The following TANC1 variants were observed in gnomAD, a reference collection of about 807,000 sequenced individuals.
TANC1 encodes the protein protein TANC1.
In TANC1, 77 loss-of-function variants were observed where a neutral mutation model predicts 149.7. That is an observed-to-expected ratio of 0.51 (90% CI 0.43 to 0.62). The LOEUF (loss-of-function observed/expected upper bound fraction) is 0.62, where lower values mean the gene tolerates loss of function less well. TANC1 is among the 20% of genes least tolerant of loss of function. TANC1 has a pLI of 0.00. For synonymous variants in TANC1, 854 were observed against 925.0 expected (o/e 0.92, Z 1.39); for missense variants, 1,985 against 2,321.8 (o/e 0.85, Z 2.98).
In TANC1 at chr2:158,994,643, C is replaced by T. The variant is rs188734689; in HGVS notation, c.-125-6437C>T. On this transcript the variant is annotated intron_variant, in intron 1 of 26. Coordinates refer to ENST00000263635, the MANE Select transcript of TANC1 (RefSeq NM_033394.3). ...ATGAAAAGAATCAAATCTAGATGTT[C>T]GTGTCTCAATTTGAGATCTTCATGT... Among the ~76,000 whole-genome samples, 665 of 152,202 alleles carry T rather than the reference C, an allele frequency of 4.4e-3. 1 individual carries two copies. Among genetic ancestry groups the T allele is most frequent in the Non-Finnish European group, 8.1e-3 (550 of 68,016 alleles).
chr2:159,211,892 A>T lies in TANC1; in HGVS notation c.3245-5605A>T, dbSNP rs145904537. Among the ~76,000 whole-genome samples, 142 of 152,366 alleles carry T rather than the reference A, an allele frequency of 9.3e-4. 2 individuals are homozygous for T. In the South Asian group the frequency reaches 9.3e-3, roughly 10 times the overall value. ...GCCTCAAGAGGGAGTCACCAAATAC[A>T]TAGCAAGGGTTGTGAAGGAAAAGGA... On this transcript the variant is annotated intron_variant, in intron 19 of 26. Transcript: ENST00000263635.
intron 2 of TANC1, among the ~76,000 whole-genome samples, chr2:159,005,174 A>G (rs1434940721): frequency 6.6e-6 from 1 of 152,186 alleles, no homozygotes; most frequent in Non-Finnish European, 1.5e-5. Flanking sequence ...CATGGGTGTC[A>G]TGGCCATCAC....
chr2:159,203,535 A>G (rs1295432700), intron 19 of TANC1, among the ~76,000 whole-genome samples: 3 of 151,044 alleles, frequency 2.0e-5, no homozygotes, highest in African/African-American at 7.3e-5. Context: ...GGCTTATTTG[A>G]TAGGAGGCTG....
rs2034526712 is a variant in TANC1, at chr2:158,982,796, A to AT, written c.-126+14021dup. Among the ~76,000 whole-genome samples, 3 of 151,248 alleles carry AT rather than the reference A, an allele frequency of 2.0e-5. No individual in the cohort carries two copies. The South Asian group carries it at 6.3e-4, about 32-fold the overall frequency. On this transcript the variant is annotated intron_variant, in intron 1 of 26. Coordinates refer to ENST00000263635, the MANE Select transcript of TANC1 (RefSeq NM_033394.3). ...CTAATTTTTTTATTTTTTTATTTTT[A>AT]TTTTTTTCTGTAGAGATAGGATCTG...
At chr2:158,983,853 C>T (rs970859627) in intron 1 of TANC1, among the ~76,000 whole-genome samples, 19 of 152,152 alleles carry the variant, frequency 1.2e-4, no homozygotes, top group African/African-American at 4.1e-4. Flanking sequence ...TAAAGATGCA[C>T]GCGAAGGTGG....
At chr2:159,082,171 T>C (rs2044338780) in intron 3 of TANC1, among the ~76,000 whole-genome samples, 1 of 152,160 alleles carries the variant, frequency 6.6e-6, no homozygotes, top group African/African-American at 2.4e-5. Flanking sequence ...TGTTTTCTGG[T>C]CGTGTGATCC....
intron 3 of TANC1, among the ~76,000 whole-genome samples, chr2:159,079,348 T>G (rs1266509235): frequency 1.2e-5 from 1 of 86,540 alleles, no homozygotes; most frequent in Non-Finnish European, 3.7e-5. Flanking sequence ...GTGTGTGTCT[T>G]TTTTTTTTTT....
chr2:159,075,597 G>A (rs2043591131), intron 3 of TANC1, among the ~76,000 whole-genome samples: 1 of 151,720 alleles, frequency 6.6e-6, no homozygotes, highest in Non-Finnish European at 1.5e-5. Context: ...AAAGAAAATA[G>A]AAAACACTCA....
intron 19 of TANC1, among the ~76,000 whole-genome samples, chr2:159,208,092 A>G (rs112571906): frequency 3.1e-3 from 465 of 152,338 alleles, no homozygotes; most frequent in African/African-American, 0.011. Context: ...CATGGGCATC[A>G]TCATGACACC....
At chr2:159,105,043 G>T (rs2047037595) in intron 4 of TANC1, among the ~76,000 whole-genome samples, 1 of 103,240 alleles carries the variant, frequency 9.7e-6, no homozygotes, top group African/African-American at 3.7e-5. Context: ...TGCCCAGGCT[G>T]GAGTGCAGTG....
At chr2:159,043,660 A>G (rs1437505860) in intron 2 of TANC1, among the ~76,000 whole-genome samples, 1 of 152,122 alleles carries the variant, frequency 6.6e-6, no homozygotes, top group East Asian at 1.9e-4. Context: ...GTACTTTTCC[A>G]TTGAAAACAT....
chr2:159,150,289 T>C (rs555209489), intron 6 of TANC1, 81 bp from the exon 7 acceptor site: 47 of 1,179,122 alleles, frequency 4.0e-5, no homozygotes, highest in Admixed American at 1.9e-4. Flanking sequence ...CTTAGTTTTA[T>C]TGTTTTAGCA....
intron 1 of TANC1, among the ~76,000 whole-genome samples, chr2:158,973,963 G>A (rs1219717431): frequency 6.6e-6 from 1 of 152,174 alleles, no homozygotes; most frequent in Non-Finnish European, 1.5e-5. Flanking sequence ...GCCATGCTTT[G>A]TTCTAAATTA....
chr2:159,166,517 G>A (rs1478914847), intron 8 of TANC1, among the ~76,000 whole-genome samples: 1 of 152,158 alleles, frequency 6.6e-6, no homozygotes, highest in Non-Finnish European at 1.5e-5. Flanking sequence ...TAATTTCGCT[G>A]TAGAGATTCT....
chr2:159,158,486 T>A (rs2053667261), intron 7 of TANC1, among the ~76,000 whole-genome samples: 1 of 152,220 alleles, frequency 6.6e-6, no homozygotes, highest in Non-Finnish European at 1.5e-5. Flanking sequence ...GAACTTAGAA[T>A]GAAGCCTGGC....
At chr2:159,206,309 A>G (rs781772381) in intron 19 of TANC1, among the ~76,000 whole-genome samples, 2 of 152,088 alleles carry the variant, frequency 1.3e-5, no homozygotes, top group Non-Finnish European at 2.9e-5. Context: ...CAGATAGGGG[A>G]TCAGAACTGA....
intron 7 of TANC1, among the ~76,000 whole-genome samples, chr2:159,154,227 T>G (rs2053178561): frequency 6.6e-6 from 1 of 152,104 alleles, no homozygotes; most frequent in African/African-American, 2.4e-5. Flanking sequence ...TTCAGAGCAG[T>G]TTGGGGAAAT....
chr2:159,158,840 G>A lies in TANC1; in HGVS notation c.683-4443G>A, dbSNP rs547159784. On this transcript the variant is annotated intron_variant, in intron 7 of 26. Coordinates refer to ENST00000263635, the MANE Select transcript of TANC1 (RefSeq NM_033394.3). ...TGCCCAAAATGGTACCGGGTCTGGA[G>A]ACGCATACCTCCTTGTGGACCCCCT... Among the ~76,000 whole-genome samples, 3 of 152,346 alleles carry A rather than the reference G, an allele frequency of 2.0e-5. No individual in the cohort carries two copies. The East Asian group carries it at 5.8e-4, about 29-fold the overall frequency.
chr2:159,154,615 C>T (rs1488815811), intron 7 of TANC1, among the ~76,000 whole-genome samples: 1 of 152,138 alleles, frequency 6.6e-6, no homozygotes, highest in African/African-American at 2.4e-5. Context: ...GCTTTATCCT[C>T]TTTCAGGAGG....
Sources: gnomAD v4.1 joint callset for allele counts (sites outside exome capture counted in the v4.1 genomes callset) on GRCh38, gnomAD v4.1.1 for gene constraint, MANE v1.5 for transcripts, NCBI Gene and HGNC (gene_info 2026-07-23, HGNC 2026-07-21) for gene names.